Variants in SH2D4B observed in about 807,000 individuals in gnomAD.
The protein encoded by SH2D4B is SH2 domain-containing protein 4B.
SH2D4B carries 45 observed loss-of-function variants against 61.5 expected under a neutral mutation model. That is an observed-to-expected ratio of 0.73 (90% CI 0.58 to 0.94). The LOEUF (loss-of-function observed/expected upper bound fraction) is 0.94. Ranked by LOEUF, SH2D4B falls within the 40% of genes least tolerant of loss-of-function variation. SH2D4B has a pLI of 0.00. For missense variants in SH2D4B, 572 were observed against 574.2 expected, an observed-to-expected ratio of 1.00 and a Z score of 0.04; for synonymous variants, 224 against 220.4, an observed-to-expected ratio of 1.02 and a Z score of -0.14.
chr10:80,593,166 T>G (rs557829077), intron 4 of SH2D4B, among the ~76,000 whole-genome samples: 1 of 152,368 alleles, frequency 6.6e-6, no homozygotes, highest in Non-Finnish European at 1.5e-5. Context: ...TTCAGGATTA[T>G]TTTGGTTATT....
chr10:80,594,045 C>T (rs921335349), intron 4 of SH2D4B, among the ~76,000 whole-genome samples: 1 of 152,138 alleles, frequency 6.6e-6, no homozygotes, highest in Non-Finnish European at 1.5e-5. Flanking sequence ...AACTCCTGAG[C>T]TCAAGAAGTC....
At chr10:80,549,864 T>C (rs1841734638) in intron 1 of SH2D4B, among the ~76,000 whole-genome samples, 1 of 152,082 alleles carries the variant, frequency 6.6e-6, no homozygotes, top group Non-Finnish European at 1.5e-5. Flanking sequence ...AGGCATGGGG[T>C]CACCCACAGT....
intron 4 of SH2D4B, among the ~76,000 whole-genome samples, chr10:80,589,119 T>C (rs1182594119): frequency 6.6e-6 from 1 of 152,046 alleles, no homozygotes; most frequent in African/African-American, 2.4e-5. Context: ...TTCTCCTGCC[T>C]CAGCCTCCCA....
intron 4 of SH2D4B, 66 bp from the exon 5 acceptor site, chr10:80,603,513 C>G (rs996823165): frequency 4.3e-6 from 6 of 1,395,006 alleles, no homozygotes; most frequent in Non-Finnish European, 5.8e-6. Context: ...TACTTCCTGT[C>G]CCAGCTGGCG....
intron 3 of SH2D4B, among the ~76,000 whole-genome samples, chr10:80,581,119 G>A (rs781278578): frequency 2.6e-5 from 4 of 152,172 alleles, no homozygotes; most frequent in Non-Finnish European, 4.4e-5. Flanking sequence ...ACAGTAAATG[G>A]CCAGTCATTT....
At chr10:80,617,177 C>T (rs1158707998) in intron 6 of SH2D4B, among the ~76,000 whole-genome samples, 7 of 152,200 alleles carry the variant, frequency 4.6e-5, no homozygotes, top group African/African-American at 7.2e-5. Flanking sequence ...CCAGGGCACA[C>T]GGTGCTCTGG....
intron 3 of SH2D4B, among the ~76,000 whole-genome samples, chr10:80,584,177 T>C (rs1842216127): frequency 6.6e-6 from 1 of 152,094 alleles, no homozygotes; most frequent in African/African-American, 2.4e-5. Context: ...AGCTGAGAAG[T>C]GTTAAATGCT....
At chr10:80,592,502 G>C (rs1473007810) in intron 4 of SH2D4B, among the ~76,000 whole-genome samples, 3 of 152,152 alleles carry the variant, frequency 2.0e-5, no homozygotes, top group African/African-American at 7.2e-5. Flanking sequence ...GAGCTTTATA[G>C]GTTTAGCCCT....
At chr10:80,601,227 C>T (rs550901695) in intron 4 of SH2D4B, among the ~76,000 whole-genome samples, 28 of 152,162 alleles carry the variant, frequency 1.8e-4, no homozygotes, top group Non-Finnish European at 3.4e-4. Flanking sequence ...CTCTGGAAAA[C>T]TCTTATTGAT....
At position 80,609,432 on chromosome 10, in the gene SH2D4B, G is replaced by T. The variant is rs777316917; in HGVS notation, c.869G>T (p.Trp290Leu). ...ACTTTCTTTCTCTTCAGCAGGACCT[G>T]GGAGCGCCCGCTGCGCCCAGTCTCC... ...QPLALPVSRT[W>L]ERPLRPVSRD... Residue 290 changes from tryptophan (W) to leucine (L), a missense_variant, in exon 6 of 8, where the codon TGG becomes TTG. Transcript: ENST00000646907. 6.2e-7 allele frequency: 1 copy of T among 1,613,740 alleles called. No individual in the cohort carries two copies. Among genetic ancestry groups the T allele is most frequent in the East Asian group, 2.2e-5 (1 of 44,868 alleles).
chr10:80,587,151 GT>G (rs58312366), intron 3 of SH2D4B, among the ~76,000 whole-genome samples: 1,511 of 48,320 alleles, frequency 0.031, 46 homozygotes, highest in African/African-American at 0.13. Context: ...TTTTTGTTTT[GT>G]TTTTTTTTTT....
intron 4 of SH2D4B, among the ~76,000 whole-genome samples, chr10:80,595,438 C>T (rs1026893330): frequency 6.6e-6 from 1 of 152,144 alleles, no homozygotes; most frequent in Non-Finnish European, 1.5e-5. Flanking sequence ...GCAGCTGGCC[C>T]GGGTGAGGAA....
At position 80,570,288 on chromosome 10, in the gene SH2D4B, C is replaced by A. The variant is rs1842025211; in HGVS notation, c.319C>A (p.Gln107Lys). The change falls in exon 2 of 8, where the codon CAG (glutamine) becomes AAG (lysine). Residue 107 changes from glutamine to lysine, a missense_variant. Physicochemically the swap from Gln to Lys is moderately conservative, Grantham distance 53 (BLOSUM62 1). Transcript: ENST00000646907. The part of the protein sequence containing the change: ...EELIAERARL[Q>K]AQREAEELWR... Reference sequence around the variant, plus strand: ...GCTGATTGCAGAGAGGGCGCGGCTGCAGGCACAGAGGGAAGCTGAGGAGCT... The same window carrying A: ...GCTGATTGCAGAGAGGGCGCGGCTGAAGGCACAGAGGGAAGCTGAGGAGCT... 1 of 1,613,358 alleles carries A rather than the reference C, an allele frequency of 6.2e-7. No homozygotes were observed. Among genetic ancestry groups the A allele is most frequent in the Non-Finnish European group, 8.5e-7 (1 of 1,179,958 alleles).
At chr10:80,584,938 T>C (rs1031801595) in intron 3 of SH2D4B, among the ~76,000 whole-genome samples, 1 of 152,160 alleles carries the variant, frequency 6.6e-6, no homozygotes, top group African/African-American at 2.4e-5. Flanking sequence ...ACAGCTAACA[T>C]AGTTGAAAAT....
intron 1 of SH2D4B, among the ~76,000 whole-genome samples, chr10:80,558,085 T>TA (rs1294632006): frequency 1.3e-5 from 2 of 152,142 alleles, no homozygotes; most frequent in Non-Finnish European, 2.9e-5. Flanking sequence ...ATTTTTTTTT[T>TA]AAAATTCATG....
At chr10:80,640,288 G>A (rs1589367150) in intron 7 of SH2D4B, among the ~76,000 whole-genome samples, 1 of 152,146 alleles carries the variant, frequency 6.6e-6, no homozygotes, top group African/African-American at 2.4e-5. Context: ...TTCACGAGGA[G>A]TATCTTTGTG....
intron 1 of SH2D4B, among the ~76,000 whole-genome samples, chr10:80,559,333 C>T (rs1841875859): frequency 6.6e-6 from 1 of 152,040 alleles, no homozygotes; most frequent in African/African-American, 2.4e-5. Flanking sequence ...TGAACAGGCA[C>T]AGTAGAAAAT....
At chr10:80,634,900 G>A (rs1749466502) in intron 7 of SH2D4B, among the ~76,000 whole-genome samples, 1 of 152,178 alleles carries the variant, frequency 6.6e-6, no homozygotes, top group African/African-American at 2.4e-5. Context: ...CAGCTTCTGA[G>A]AGTTAGCTGA....
At chr10:80,597,671 TAAATAAAATAAAATA>T (rs58385156) in intron 4 of SH2D4B, among the ~76,000 whole-genome samples, 1 of 150,744 alleles carries the variant, frequency 6.6e-6, no homozygotes, top group Admixed American at 6.6e-5. Flanking sequence ...ATCTCAAAAA[TAAATAAAATAAAATA>T]AAATAAAATA....
Sources: allele counts gnomAD v4.1 joint callset (sites outside exome capture counted in the v4.1 genomes callset), GRCh38; gene constraint gnomAD v4.1.1; transcripts MANE v1.5; gene names NCBI Gene and HGNC (gene_info 2026-07-23, HGNC 2026-07-21).